The following KIAA1217 variants were observed in gnomAD, a reference collection of about 807,000 sequenced individuals.
KIAA1217 encodes KIAA1217, also known as sickle tail protein homolog.
A neutral mutation model predicts 163.9 loss-of-function variants in KIAA1217; 88 were observed. The observed-to-expected ratio is 0.54, with a 90% confidence interval of 0.45 to 0.64. The LOEUF (loss-of-function observed/expected upper bound fraction) is 0.64. Ranked by LOEUF, KIAA1217 falls within the 30% of genes least tolerant of loss-of-function variation. The pLI is 0.00. For synonymous variants in KIAA1217, 903 were observed against 923.1 expected, an observed-to-expected ratio of 0.98 and a Z score of 0.39; for missense variants, 2,372 against 2,475.0, an observed-to-expected ratio of 0.96 and a Z score of 0.88.
intron 3 of KIAA1217, among the ~76,000 whole-genome samples, chr10:24,410,090 G>A (rs1338911566): frequency 5.4e-5 from 8 of 146,904 alleles, no homozygotes; most frequent in African/African-American, 7.6e-5. Flanking sequence ...TCCGCCTCCC[G>A]GGTTCAAGCG....
chr10:24,520,876 A>T (rs2134562234), intron 11 of KIAA1217, among the ~76,000 whole-genome samples: 1 of 148,942 alleles, frequency 6.7e-6, no homozygotes, highest in East Asian at 2.0e-4. Context: ...ATAAAAAACA[A>T]AAAATAAAAA....
chr10:23,970,157 AT>A (rs937945849), intron 1 of KIAA1217, among the ~76,000 whole-genome samples: 40 of 152,102 alleles, frequency 2.6e-4, no homozygotes, highest in Admixed American at 9.2e-4. Context: ...CAATTAATTG[AT>A]TTTTTTCTTT....
intron 2 of KIAA1217, among the ~76,000 whole-genome samples, chr10:24,162,510 T>C (rs570939782): frequency 6.6e-6 from 1 of 152,328 alleles, no homozygotes; most frequent in Non-Finnish European, 1.5e-5. Flanking sequence ...CTGTCTCTCC[T>C]CTGTGCAAGG....
chr10:24,335,869 TC>T (rs1564492928), intron 2 of KIAA1217, among the ~76,000 whole-genome samples: 1 of 152,212 alleles, frequency 6.6e-6, no homozygotes, highest in Non-Finnish European at 1.5e-5. Context: ...ACCTGGAACT[TC>T]CAAGGTACTG....
chr10:24,214,937 G>A (rs921471643), intron 1 of KIAA1217, among the ~76,000 whole-genome samples: 1 of 152,256 alleles, frequency 6.6e-6, no homozygotes, highest in Admixed American at 6.5e-5. Flanking sequence ...AGCTGACCCA[G>A]CCAGAGTAAC....
At chr10:23,728,333 C>A (rs1405823851) in intron 1 of KIAA1217, among the ~76,000 whole-genome samples, 1 of 152,106 alleles carries the variant, frequency 6.6e-6, no homozygotes, top group Non-Finnish European at 1.5e-5. Context: ...TCTGTTGTTT[C>A]CTGACTTTTT....
At chr10:24,171,661 GGGTGTGGT>G (rs1312440362) in intron 2 of KIAA1217, among the ~76,000 whole-genome samples, 1 of 151,998 alleles carries the variant, frequency 6.6e-6, no homozygotes, top group Non-Finnish European at 1.5e-5. Flanking sequence ...AAAATTAGCC[GGGTGTGGT>G]GGTGCATACC....
intron 2 of KIAA1217, among the ~76,000 whole-genome samples, chr10:24,189,843 G>T (rs373100674): frequency 2.8e-4 from 43 of 152,032 alleles, no homozygotes; most frequent in African/African-American, 7.2e-4. Context: ...TAGTGAGACC[G>T]CATCTCTACA....
intron 1 of KIAA1217, among the ~76,000 whole-genome samples, chr10:23,902,977 A>C (rs889813430): frequency 2.0e-5 from 3 of 152,104 alleles, no homozygotes; most frequent in African/African-American, 7.2e-5. Context: ...GATCCTAAGC[A>C]GGGTGTAGCG....
chr10:24,116,321 T>G (rs1016371050), intron 2 of KIAA1217, among the ~76,000 whole-genome samples: 2 of 152,088 alleles, frequency 1.3e-5, no homozygotes, highest in African/African-American at 4.8e-5. Flanking sequence ...GGTGACCCTC[T>G]ATCATACAGA....
intron 2 of KIAA1217, among the ~76,000 whole-genome samples, chr10:24,300,084 C>T (rs1180326894): frequency 1.3e-5 from 2 of 152,166 alleles, no homozygotes; most frequent in African/African-American, 2.4e-5. Context: ...ACACTGATGC[C>T]GAGGCTACGT....
chr10:23,788,819 C>T (rs1206923730), intron 1 of KIAA1217, among the ~76,000 whole-genome samples: 1 of 152,202 alleles, frequency 6.6e-6, no homozygotes, highest in East Asian at 1.9e-4. Context: ...TCACGTTATA[C>T]TCTTTCAAAC....
intron 1 of KIAA1217, among the ~76,000 whole-genome samples, chr10:23,847,979 G>A (rs1309824111): frequency 2.0e-5 from 3 of 152,126 alleles, no homozygotes; most frequent in East Asian, 1.9e-4. Flanking sequence ...TATGTACCCA[G>A]TGGTCATTCA....
chr10:24,120,434 G>T (rs2063237051), intron 2 of KIAA1217, among the ~76,000 whole-genome samples: 1 of 152,220 alleles, frequency 6.6e-6, no homozygotes, highest in African/African-American at 2.4e-5. Context: ...CTTTCAGTGG[G>T]ATTACTTGCT....
intron 2 of KIAA1217, among the ~76,000 whole-genome samples, chr10:24,319,458 G>A (rs2043849162): frequency 2.0e-5 from 3 of 150,280 alleles, no homozygotes. Flanking sequence ...GAGACACAGG[G>A]AAAAATTGAT....
At chr10:23,723,059 G>A (rs1837952569) in intron 1 of KIAA1217, among the ~76,000 whole-genome samples, 1 of 152,118 alleles carries the variant, frequency 6.6e-6, no homozygotes, top group Admixed American at 6.6e-5. Flanking sequence ...GCCAGGCTTG[G>A]TCACATCCAT....
intron 1 of KIAA1217, among the ~76,000 whole-genome samples, chr10:23,944,472 A>G (rs1338804948): frequency 6.6e-6 from 1 of 152,134 alleles, no homozygotes; most frequent in Non-Finnish European, 1.5e-5. Context: ...AGCTCTAAAA[A>G]AAAAAGCAAC....
intron 3 of KIAA1217, among the ~76,000 whole-genome samples, chr10:24,402,811 G>A (rs184305114): frequency 3.3e-5 from 5 of 152,094 alleles, no homozygotes; most frequent in Non-Finnish European, 7.3e-5. Flanking sequence ...TTTCCTTTCA[G>A]TCTGTAGCTT....
At chr10:24,023,945 G>T (rs1589248970) in intron 2 of KIAA1217, among the ~76,000 whole-genome samples, 1 of 151,504 alleles carries the variant, frequency 6.6e-6, no homozygotes, top group Non-Finnish European at 1.5e-5. Context: ...CAGATTAGAG[G>T]TTCCAAGGTG....
Sources: gnomAD v4.1 joint callset for allele counts (sites outside exome capture counted in the v4.1 genomes callset) on GRCh38, gnomAD v4.1.1 for gene constraint, MANE v1.5 for transcripts, NCBI Gene and HGNC (gene_info 2026-07-23, HGNC 2026-07-21) for gene names.